CORO7: variants seen among roughly 807,000 people sequenced by gnomAD.
The protein encoded by CORO7 is coronin 7.
In CORO7, 107 loss-of-function variants were observed where a neutral mutation model predicts 126.6. The observed-to-expected ratio is 0.85, with a 90% CI of 0.72 to 0.99. The LOEUF (loss-of-function observed/expected upper bound fraction) is 0.99. Ranked by LOEUF, CORO7 falls within the 50% of genes least tolerant of loss-of-function variation. The probability of loss-of-function intolerance (pLI) is 0.00; values close to 1 mark genes in which losing one functional copy is unlikely to be tolerated. For synonymous variants in CORO7, 603 were observed against 536.8 expected, an observed-to-expected ratio of 1.12 and a Z score of -1.70; for missense variants, 1,314 against 1,255.8, an observed-to-expected ratio of 1.05 and a Z score of -0.70.
At chr16:4,412,895 G>A in intron 2 of CORO7, 2 of 225,416 alleles carry the variant, frequency 8.9e-6, no homozygotes, top group Non-Finnish European at 1.8e-5. Flanking sequence ...TTTTGCTTAA[G>A]CCAGCTTGAG....
chr16:4,362,604 C>T lies in CORO7; in HGVS notation c.1402+8G>A, dbSNP rs183878913. 2.6e-6 allele frequency: 4 copies of T among 1,551,400 alleles called. No homozygotes were observed. The East Asian group carries it at 9.8e-5, about 38-fold the overall frequency. ...GGTAGGGGTGAGCTCCCCGTCCTGC[C>T]TCCTTACCCAGCAGGCTCTGCAGCG... On this transcript the variant is annotated splice_region_variant and intron_variant, in intron 15 of 27. Transcript: ENST00000251166. The surrounding 1 kb of genome is among the most constrained non-coding windows in gnomAD (Gnocchi z 5.3).
At chr16:4,377,351 T>TGGGA (rs1268754603) in intron 9 of CORO7, among the ~76,000 whole-genome samples, 1 of 9,446 alleles carries the variant, frequency 1.1e-4, no homozygotes, top group Non-Finnish European at 2.3e-4. Flanking sequence ...GATCACCGGG[T>TGGGA]GGGAGGGTGG....
chr16:4,377,403 A>G (rs1161684884), intron 9 of CORO7, among the ~76,000 whole-genome samples: 1 of 152,132 alleles, frequency 6.6e-6, no homozygotes, highest in Non-Finnish European at 1.5e-5. Context: ...GACAGCCCCC[A>G]GCCCCACGCA....
rs2054129862 is a variant in CORO7 at position 4,360,480 on chromosome 16, C to A, written c.1986G>T (p.Arg662=). Residue 662 remains arginine, a synonymous_variant, in exon 20 of 28, where the codon CGG becomes CGT. Transcript: ENST00000251166. The part of the protein sequence containing the change: ...LATVCKDGRV[R]VYRPRSGPEP... ...CAGGGCCACTCCGGGGCCTGTAGAC[C>A]CGCACACGCCCATCCTTGCAGACAG... 7 of 1,612,284 alleles carry A rather than the reference C, an allele frequency of 4.3e-6. No homozygotes were observed. The highest frequency in any genetic ancestry group is 5.9e-6 in the Non-Finnish European group (7 of 1,179,682).
intron 7 of CORO7, among the ~76,000 whole-genome samples, chr16:4,392,787 C>T (rs935946115): frequency 1.2e-4 from 18 of 152,226 alleles, no homozygotes; most frequent in African/African-American, 3.9e-4. Context: ...ATGCCCTGGG[C>T]GGAAGTGGGG....
chr16:4,382,043 C>A, intron 9 of CORO7: 2 of 1,592,936 alleles, frequency 1.3e-6, no homozygotes, highest in Non-Finnish European at 8.5e-7. Context: ...GCCACTGAGG[C>A]CCCCAGCCCG....
At position 4,364,310 on chromosome 16, in the gene CORO7, AC is replaced by A; in HGVS notation, c.1240del (p.Val414Ter). 1.3e-6 allele frequency: 2 copies of A among 1,546,622 alleles called. No individual in the cohort carries two copies. Among genetic ancestry groups the A allele is most frequent in the Non-Finnish European group, 8.7e-7 (1 of 1,150,292 alleles). ...EPLPDTAQPA[V>X]METPVGDADA... ...TGCATCACCCACGGGTGTCTCCATCACCGCAGGCTGGGCTGTGTCAGGGAGG... is the reference window on the plus strand; with the variant it reads ...TGCATCACCCACGGGTGTCTCCATCACGCAGGCTGGGCTGTGTCAGGGAGG... On this transcript the variant is annotated frameshift_variant, in exon 14 of 28. Coordinates refer to ENST00000251166, the MANE Select transcript of CORO7 (RefSeq NM_024535.5). LOFTEE classifies it high-confidence loss of function.
chr16:4,390,093 G>A (rs572721881), intron 7 of CORO7, among the ~76,000 whole-genome samples: 27 of 152,162 alleles, frequency 1.8e-4, no homozygotes, highest in Non-Finnish European at 2.9e-4. Flanking sequence ...AAACACATCG[G>A]GGAGGTAGAT....
chr16:4,367,915 C>T (rs2054397803), intron 9 of CORO7, among the ~76,000 whole-genome samples: 1 of 152,112 alleles, frequency 6.6e-6, no homozygotes, highest in Non-Finnish European at 1.5e-5. Context: ...AGAGGCTAGG[C>T]CAGGCCTAGT....
intron 6 of CORO7, among the ~76,000 whole-genome samples, chr16:4,402,129 G>A (rs1439926529): frequency 1.3e-5 from 2 of 151,976 alleles, no homozygotes; most frequent in African/African-American, 2.4e-5. Flanking sequence ...AGTAGAGGAG[G>A]GGTTTCACTA....
chr16:4,382,892 A>ACATC, intron 9 of CORO7: 1 of 1,526,196 alleles, frequency 6.6e-7, no homozygotes, highest in African/African-American at 1.4e-5. Context: ...GCAAAGCCCT[A>ACATC]CATCTAAGCC....
intron 3 of CORO7, among the ~76,000 whole-genome samples, chr16:4,408,954 C>G (rs2056107334): frequency 6.6e-6 from 1 of 152,222 alleles, no homozygotes; most frequent in East Asian, 1.9e-4. Flanking sequence ...CAGAGCCAGA[C>G]CTTGTCTCAA....
At chr16:4,416,379 C>T in intron 1 of CORO7, 80 bp downstream of exon 1, 1 of 1,451,670 alleles carries the variant, frequency 6.9e-7, no homozygotes, top group Non-Finnish European at 9.0e-7. Flanking sequence ...CTGGAGGGCA[C>T]CCCTGTGGGG....
chr16:4,364,760 C>G lies in CORO7; in HGVS notation c.1044+15G>C, dbSNP rs1404240692. 1 of 1,607,790 alleles carries G rather than the reference C, an allele frequency of 6.2e-7. No homozygotes were observed. The highest frequency in any genetic ancestry group is 1.3e-5 in the African/African-American group (1 of 74,864). On this transcript the variant is annotated intron_variant, in intron 12 of 27. Transcript: ENST00000251166. Reference sequence around the variant, plus strand: ...CTCCCCAGCCCCCGCAGTCCCTCGCCCAAGTCCCCCTCACCTTGCGGGGCA... The same window carrying G: ...CTCCCCAGCCCCCGCAGTCCCTCGCGCAAGTCCCCCTCACCTTGCGGGGCA...
At chr16:4,357,142 G>C in intron 26 of CORO7, 26 bp downstream of exon 26, 1 of 1,613,082 alleles carries the variant, frequency 6.2e-7, no homozygotes, top group Non-Finnish European at 8.5e-7. Context: ...TGTCACCTCC[G>C]CACAGCTGCT....
chr16:4,362,463 C>A lies in CORO7; in HGVS notation c.1402+149G>T, dbSNP rs929309180. The stretch of plus-strand genomic sequence containing the variant: ...GACTCAGCCACCACACCCCAGCCCC[C>A]AGGACAAATGACCCTGCCAGTGAGT... On this transcript the variant is annotated intron_variant, in intron 15 of 27. Transcript: ENST00000251166. The surrounding 1 kb of genome is among the most constrained non-coding windows in gnomAD (Gnocchi z 5.3). 260 of 1,411,370 alleles carry A rather than the reference C, an allele frequency of 1.8e-4. No individual in the cohort carries two copies. Among genetic ancestry groups the A allele is most frequent in the Non-Finnish European group, 1.8e-4 (190 of 1,074,448 alleles). The allele number at this position is 1,411,370 out of a possible 1,614,324, so 87.4% of individuals were successfully genotyped here.
rs374796627 is a variant in CORO7 at position 4,355,385 on chromosome 16, G to A, written c.2686-13C>T. 16 of 1,604,956 alleles carry A rather than the reference G, an allele frequency of 1.0e-5. No homozygotes were observed. In the African/African-American group the frequency reaches 1.5e-4, roughly 15 times the overall value. ...TGGCATTCAGCAGCTGGGAGAGAGG[G>A]CAGAAGAAGGGTAGGTAAGGGAATA... On this transcript the variant is annotated splice_polypyrimidine_tract_variant and intron_variant, in intron 26 of 27. Transcript: ENST00000251166.
chr16:4,365,995 G>A (rs1471625288), intron 9 of CORO7, among the ~76,000 whole-genome samples: 1 of 152,214 alleles, frequency 6.6e-6, no homozygotes, highest in Non-Finnish European at 1.5e-5. Context: ...CGGGAGCAGT[G>A]CAGGCAGCCC....
At chr16:4,415,812 G>A in intron 1 of CORO7, 2 of 985,550 alleles carry the variant, frequency 2.0e-6, no homozygotes, top group Non-Finnish European at 2.4e-6. Context: ...GGGTCTCCCG[G>A]CACCTGGCTC....
Sources: gnomAD v4.1 joint callset for allele counts (sites outside exome capture counted in the v4.1 genomes callset) on GRCh38, gnomAD v4.1.1 for gene constraint, Gnocchi (gnomAD v3.1) non-coding constraint, MANE v1.5 for transcripts, NCBI Gene and HGNC (gene_info 2026-07-23, HGNC 2026-07-21) for gene names.